TLK1: variants seen among roughly 807,000 people sequenced by gnomAD.
TLK1 encodes the protein tousled like kinase 1, also known as serine/threonine-protein kinase tousled-like 1.
TLK1 carries 24 observed loss-of-function variants against 105.3 expected under a neutral mutation model. The ratio of observed to expected loss-of-function variants is 0.23; its 90% CI spans 0.17 to 0.32. TLK1 has a LOEUF of 0.32. TLK1 is among the 10% of genes least tolerant of loss of function. The probability of loss-of-function intolerance (pLI) is 1.00; values close to 1 mark genes in which losing one functional copy is unlikely to be tolerated. For missense variants in TLK1, 558 were observed against 910.5 expected, an observed-to-expected ratio of 0.61 and a Z score of 4.98; for synonymous variants, 321 against 310.4, an observed-to-expected ratio of 1.03 and a Z score of -0.36.
At chr2:171,099,486 T>C (rs944684433) in intron 2 of TLK1, among the ~76,000 whole-genome samples, 21 of 152,176 alleles carry the variant, frequency 1.4e-4, no homozygotes, top group African/African-American at 4.8e-4. Flanking sequence ...AGGTGGCCTT[T>C]TGTTGAAATT....
chr2:171,027,890 C>T (rs773800451), intron 12 of TLK1, among the ~76,000 whole-genome samples: 2 of 152,084 alleles, frequency 1.3e-5, no homozygotes, highest in Non-Finnish European at 2.9e-5. Flanking sequence ...TGGCCGGGTG[C>T]GACAGCTCAT....
At chr2:171,052,533 G>A (rs551483033) in intron 8 of TLK1, among the ~76,000 whole-genome samples, 188 of 152,190 alleles carry the variant, frequency 1.2e-3, no homozygotes, top group African/African-American at 4.2e-3. Flanking sequence ...GCAATGAAAT[G>A]AACAAACTAC....
intron 1 of TLK1, among the ~76,000 whole-genome samples, chr2:171,182,215 A>G (rs944444161): frequency 9.9e-5 from 15 of 152,220 alleles, no homozygotes; most frequent in African/African-American, 2.9e-4. Flanking sequence ...AAAAGCCTCA[A>G]TGGATGCTAA....
At chr2:171,092,034 CT>C (rs752839912) in intron 2 of TLK1, among the ~76,000 whole-genome samples, 147 of 145,890 alleles carry the variant, frequency 1.0e-3, no homozygotes, top group Non-Finnish European at 1.0e-3. Flanking sequence ...GCCCGGCCGT[CT>C]TTTTTTTTTT....
At chr2:171,185,683 T>C (rs1468682780) in intron 1 of TLK1, among the ~76,000 whole-genome samples, 1 of 152,252 alleles carries the variant, frequency 6.6e-6, no homozygotes, top group Non-Finnish European at 1.5e-5. Context: ...TAGATTGGGC[T>C]AGTGTCCTTC....
intron 2 of TLK1, among the ~76,000 whole-genome samples, chr2:171,095,501 C>A (rs1184051941): frequency 6.6e-6 from 1 of 152,066 alleles, no homozygotes; most frequent in African/African-American, 2.4e-5. Flanking sequence ...GCCAACAAAT[C>A]AGATAACTAA....
intron 2 of TLK1, among the ~76,000 whole-genome samples, chr2:171,100,431 T>C (rs920985162): frequency 5.9e-5 from 9 of 152,172 alleles, no homozygotes; most frequent in African/African-American, 2.2e-4. Context: ...GAGCACGTTG[T>C]TATAAAGCAA....
Position 171,067,613 on chromosome 2 carries a change from C to CTT in TLK1, c.331-6459_331-6458dup, listed in dbSNP as rs146506132. ...ACTATTTTTCTCTATACCAATACAA[C>CTT]TTTTTTTTTATTATTATACTTTAAG... is the stretch of plus-strand genomic sequence containing the variant. On this transcript the variant is annotated intron_variant, in intron 3 of 20. Transcript: ENST00000431350. Among the ~76,000 whole-genome samples the CTT allele has an allele frequency of 1.9e-4, 29 of 151,532 alleles. No individual in the cohort carries two copies. The South Asian group carries it at 5.4e-3, about 28-fold the overall frequency.
intron 1 of TLK1, among the ~76,000 whole-genome samples, chr2:171,196,968 C>T (rs973626309): frequency 2.0e-5 from 3 of 152,208 alleles, no homozygotes; most frequent in Non-Finnish European, 4.4e-5. Flanking sequence ...CTAGAAGCTA[C>T]ATTTCACGTA....
At position 171,089,110 on chromosome 2, in the gene TLK1, G is replaced by A. The variant is rs1689110930; in HGVS notation, c.259-6258C>T. ...TTGGCCAGGCTGATCTCGAACTCCT[G>A]GCCTCCCAAAGTGCTGGGATTACAG... On this transcript the variant is annotated intron_variant, in intron 2 of 20. Transcript: ENST00000431350. Among the ~76,000 whole-genome samples, 4 of 152,162 alleles carry A rather than the reference G, an allele frequency of 2.6e-5. No homozygotes were observed. In the South Asian group the frequency reaches 8.3e-4, roughly 32 times the overall value.
rs187578681 is a variant in TLK1, at chr2:171,113,798, A to C, written c.258+3941T>G. Among the ~76,000 whole-genome samples the C allele has an allele frequency of 4.5e-3, 692 of 152,318 alleles. 7 individuals are homozygous for C. The highest frequency in any genetic ancestry group is 0.015 in the African/African-American group (631 of 41,556). ...GAGCAAGTATGATAGTAAACCTATA[A>C]AATTAGTAACAGAAACTGTAGAATA... On this transcript the variant is annotated intron_variant, in intron 2 of 20. Transcript: ENST00000431350.
intron 18 of TLK1, among the ~76,000 whole-genome samples, chr2:171,003,206 G>A (rs1339912558): frequency 1.4e-5 from 2 of 145,244 alleles, no homozygotes; most frequent in African/African-American, 2.6e-5. Flanking sequence ...CCCGGGAGGC[G>A]GAGCTTGCAG....
At chr2:171,195,478 G>A (rs540315542) in intron 1 of TLK1, among the ~76,000 whole-genome samples, 48 of 141,604 alleles carry the variant, frequency 3.4e-4, no homozygotes, top group Non-Finnish European at 4.9e-4. Flanking sequence ...ACTCCAGCTA[G>A]GTGACAGAGC....
chr2:171,001,854 C>T (rs938425146), intron 18 of TLK1, among the ~76,000 whole-genome samples: 8 of 151,782 alleles, frequency 5.3e-5, no homozygotes, highest in African/African-American at 1.5e-4. Context: ...TGATCTCGCT[C>T]ACTGCAACCT....
At chr2:171,116,685 G>C (rs1690444904) in intron 2 of TLK1, among the ~76,000 whole-genome samples, 1 of 142,002 alleles carries the variant, frequency 7.0e-6, no homozygotes, top group African/African-American at 2.7e-5. Flanking sequence ...GGGCGACAAA[G>C]TGAGACTCCC....
chr2:171,106,060 T>C (rs1689911091), intron 2 of TLK1, among the ~76,000 whole-genome samples: 1 of 152,232 alleles, frequency 6.6e-6, no homozygotes, highest in Non-Finnish European at 1.5e-5. Flanking sequence ...GCAACACTGA[T>C]GAGCTTGGAG....
intron 2 of TLK1, among the ~76,000 whole-genome samples, chr2:171,100,823 A>G (rs543486416): frequency 6.6e-6 from 1 of 152,288 alleles, no homozygotes; most frequent in East Asian, 1.9e-4. Flanking sequence ...ACTCCTATCT[A>G]TATACCTAAA....
chr2:171,224,315 T>A (rs780311182), intron 1 of TLK1, among the ~76,000 whole-genome samples: 4 of 152,226 alleles, frequency 2.6e-5, no homozygotes, highest in Non-Finnish European at 5.9e-5. Context: ...TGTTTTTATG[T>A]CAGCCCTGTG....
intron 2 of TLK1, among the ~76,000 whole-genome samples, chr2:171,097,662 C>T (rs1446324514): frequency 6.6e-6 from 1 of 152,146 alleles, no homozygotes; most frequent in Non-Finnish European, 1.5e-5. Flanking sequence ...TGGTGGCTCA[C>T]ATCTGTAATC....
Sources: gnomAD v4.1 joint callset for allele counts (sites outside exome capture counted in the v4.1 genomes callset) on GRCh38, gnomAD v4.1.1 for gene constraint, MANE v1.5 for transcripts, NCBI Gene and HGNC (gene_info 2026-07-23, HGNC 2026-07-21) for gene names.